Variants in CNTFR observed in about 807,000 individuals in gnomAD.
CNTFR encodes ciliary neurotrophic factor receptor.
In CNTFR, 12 loss-of-function variants were observed where a neutral mutation model predicts 40.4. The ratio of observed to expected loss-of-function variants is 0.30; its 90% CI spans 0.19 to 0.48. The LOEUF (loss-of-function observed/expected upper bound fraction) is 0.48. Ranked by LOEUF, CNTFR falls within the 20% of genes least tolerant of loss-of-function variation. The pLI is 0.99. For synonymous variants in CNTFR, 202 were observed against 209.6 expected (o/e 0.96, Z 0.31); for missense variants, 414 against 506.8 (o/e 0.82, Z 1.76).
intron 4 of CNTFR, among the ~76,000 whole-genome samples, chr9:34,561,619 T>A (rs773980603): frequency 1.5e-4 from 23 of 152,328 alleles, no homozygotes; most frequent in Non-Finnish European, 2.5e-4. Context: ...CAGAATACTG[T>A]TAAGACCAAG....
At chr9:34,572,891 A>G (rs1183918427) in intron 2 of CNTFR, among the ~76,000 whole-genome samples, 2 of 152,196 alleles carry the variant, frequency 1.3e-5, no homozygotes, top group African/African-American at 4.8e-5. Flanking sequence ...CAAAGATGCA[A>G]TGAGACTCAG....
At chr9:34,555,538 T>A (rs1237171884) in intron 7 of CNTFR, among the ~76,000 whole-genome samples, 2 of 151,888 alleles carry the variant, frequency 1.3e-5, no homozygotes, top group African/African-American at 4.8e-5. Flanking sequence ...TCCCCAGAGC[T>A]CTCTATTGTA....
intron 4 of CNTFR, among the ~76,000 whole-genome samples, chr9:34,562,159 T>A (rs894099201): frequency 6.6e-6 from 1 of 152,204 alleles, no homozygotes; most frequent in Admixed American, 6.5e-5. Flanking sequence ...GGGCCCAAAC[T>A]GAGAAGACAG....
At position 34,552,800 on chromosome 9, in the gene CNTFR, C is replaced by G; in HGVS notation, c.823G>C (p.Glu275Gln). The change falls in exon 8 of 10, where the codon GAG becomes CAG. Residue 275 changes from glutamate (E) to glutamine (Q), a missense_variant. Physicochemically the swap from Glu to Gln is conservative, Grantham distance 29 (BLOSUM62 2). Transcript: ENST00000378980. The surrounding 1 kb of genome is among the most constrained non-coding windows in gnomAD (Gnocchi z 5.1). Reference protein sequence around the residue: ...HTITDAYAGKEYIIQVAAKDN... With the variant: ...HTITDAYAGKQYIIQVAAKDN... ...TTGGCTGCCACCTGGATAATGTACTCCTTCCCGGCGTAGGCATCTGTGATG... is the reference window on the plus strand; with the variant it reads ...TTGGCTGCCACCTGGATAATGTACTGCTTCCCGGCGTAGGCATCTGTGATG... 6.2e-7 allele frequency: 1 copy of G among 1,613,740 alleles called. No individual in the cohort carries two copies. The highest frequency in any genetic ancestry group is 8.5e-7 in the Non-Finnish European group (1 of 1,179,934).
At position 34,553,522 on chromosome 9, in the gene CNTFR, G is replaced by A. The variant is rs79222102; in HGVS notation, c.769-668C>T. Among the ~76,000 whole-genome samples, 1,008 of 152,340 alleles carry A rather than the reference G, an allele frequency of 6.6e-3. 10 individuals carry two copies. The highest frequency in any genetic ancestry group is 0.023 in the African/African-American group (973 of 41,576). On this transcript the variant is annotated intron_variant, in intron 7 of 9. Transcript: ENST00000378980. ...TTACCATGGCTTCTGGTCAGAGCCT[G>A]GGTTCCCAGATGCCCAAGGCACCTA... is the stretch of plus-strand genomic sequence containing the variant.
chr9:34,565,686 C>T (rs560363738), intron 3 of CNTFR, among the ~76,000 whole-genome samples: 3 of 152,048 alleles, frequency 2.0e-5, no homozygotes, highest in East Asian at 1.9e-4. Flanking sequence ...GCAACCCAGG[C>T]GTGATGGACA....
intron 3 of CNTFR, among the ~76,000 whole-genome samples, chr9:34,566,545 C>T (rs546400241): frequency 6.6e-6 from 1 of 152,184 alleles, no homozygotes; most frequent in South Asian, 2.1e-4. Flanking sequence ...ACTGAGCCCC[C>T]CTCCAGCCTC....
chr9:34,583,382 T>G (rs1452060205), intron 1 of CNTFR, among the ~76,000 whole-genome samples: 1 of 152,210 alleles, frequency 6.6e-6, no homozygotes, highest in African/African-American at 2.4e-5. Context: ...GAAATCCCCT[T>G]GCCCACTCTT....
chr9:34,590,559 G>C (rs1393012171), upstream of CNTFR, among the ~76,000 whole-genome samples: 2 of 152,252 alleles, frequency 1.3e-5, no homozygotes, highest in East Asian at 1.9e-4. Context: ...CCAGGCCCAT[G>C]CCTCCAGTGT....
At chr9:34,555,911 C>G in intron 7 of CNTFR, among the ~76,000 whole-genome samples, 1 of 137,164 alleles carries the variant, frequency 7.3e-6, no homozygotes. Flanking sequence ...CCGCCATCTC[C>G]CTCCCCTGCC....
At chr9:34,554,265 T>C (rs983330749) in intron 7 of CNTFR, among the ~76,000 whole-genome samples, 2 of 152,158 alleles carry the variant, frequency 1.3e-5, no homozygotes, top group Non-Finnish European at 2.9e-5. Flanking sequence ...CTCCTTCGGC[T>C]CTGTCTCCCT....
chr9:34,571,680 C>T lies in CNTFR; in HGVS notation c.1-2699G>A, dbSNP rs116372682. Among the ~76,000 whole-genome samples, 768 of 152,142 alleles carry T rather than the reference C, an allele frequency of 5.0e-3. 10 individuals carry two copies. Among genetic ancestry groups the T allele is most frequent in the African/African-American group, 0.017 (722 of 41,494 alleles). ...CTGTAAGGGCCGGGCCCTGGGCCAA[C>T]GGGGCTGCAGCCACGGGAGACGGGT... On this transcript the variant is annotated intron_variant, in intron 2 of 9. Coordinates refer to ENST00000378980, the MANE Select transcript of CNTFR (RefSeq NM_147164.3).
chr9:34,587,291 G>A (rs777438471), intron 1 of CNTFR, among the ~76,000 whole-genome samples: 2 of 152,210 alleles, frequency 1.3e-5, no homozygotes, highest in Non-Finnish European at 2.9e-5. Flanking sequence ...CTTATATGGA[G>A]TCCTAGTGTG....
intron 1 of CNTFR, among the ~76,000 whole-genome samples, chr9:34,583,990 C>G (rs1219334890): frequency 6.6e-6 from 1 of 152,124 alleles, no homozygotes; most frequent in Non-Finnish European, 1.5e-5. Flanking sequence ...TTGGGGGAGG[C>G]TATAAAAGGG....
chr9:34,586,693 C>T (rs556325825), intron 1 of CNTFR, among the ~76,000 whole-genome samples: 32 of 152,308 alleles, frequency 2.1e-4, no homozygotes, highest in African/African-American at 7.7e-4. Context: ...CCTGTACCAA[C>T]AATCCACTCA....
At chr9:34,565,152 A>C (rs1053942693) in intron 3 of CNTFR, among the ~76,000 whole-genome samples, 1 of 152,022 alleles carries the variant, frequency 6.6e-6, no homozygotes, top group Non-Finnish European at 1.5e-5. Context: ...CAGTTCTCAG[A>C]GAAAACCCAG....
Position 34,551,744 on chromosome 9 carries a change from T to C in CNTFR, c.*327A>G. On this transcript the variant is annotated 3_prime_UTR_variant, in exon 10 of 10. Coordinates refer to ENST00000378980, the MANE Select transcript of CNTFR (RefSeq NM_147164.3). Reference sequence around the variant, plus strand: ...GGCTGGGGCAGGAGGAGAAATCGGATGTGAGAGGCTCCCCTCACGTCCCCC... The same window carrying C: ...GGCTGGGGCAGGAGGAGAAATCGGACGTGAGAGGCTCCCCTCACGTCCCCC... 4 of 513,962 alleles carry C rather than the reference T, an allele frequency of 7.8e-6. No homozygotes were observed. Among genetic ancestry groups the C allele is most frequent in the Non-Finnish European group, 1.1e-5 (3 of 284,308 alleles). The allele number at this position is 513,962 out of a possible 1,614,324, so 31.8% of individuals were successfully genotyped here.
rs1374455315 is a variant in CNTFR at position 34,552,116 on chromosome 9, G to C, written c.1118+45C>G. 1.3e-6 allele frequency: 2 copies of C among 1,597,586 alleles called. No individual in the cohort carries two copies. Among genetic ancestry groups the C allele is most frequent in the East Asian group, 2.3e-5 (1 of 44,336 alleles). On this transcript the variant is annotated intron_variant, in intron 9 of 9. Coordinates refer to ENST00000378980, the MANE Select transcript of CNTFR (RefSeq NM_147164.3). This position sits in a 1 kb window ranked among gnomAD's most constrained non-coding sequence, Gnocchi z 5.1. ...CCTGTCAGGGAGGGGGCTGGAGTGGGGGTTCCCTCAGGCTCCCTCTGCCAC... is the reference window on the plus strand; with the variant it reads ...CCTGTCAGGGAGGGGGCTGGAGTGGCGGTTCCCTCAGGCTCCCTCTGCCAC...
At chr9:34,579,130 T>G (rs1440585345) in intron 2 of CNTFR, among the ~76,000 whole-genome samples, 2 of 152,096 alleles carry the variant, frequency 1.3e-5, no homozygotes, top group Non-Finnish European at 1.5e-5. Flanking sequence ...CTGGGGATAC[T>G]CACACCAAGG....
Sources: gnomAD v4.1 joint callset for allele counts (sites outside exome capture counted in the v4.1 genomes callset) on GRCh38, gnomAD v4.1.1 for gene constraint, Gnocchi (gnomAD v3.1) non-coding constraint, MANE v1.5 for transcripts, NCBI Gene and HGNC (gene_info 2026-07-23, HGNC 2026-07-21) for gene names.